PCDHGB1: variants seen among roughly 807,000 people sequenced by gnomAD.
PCDHGB1 encodes the protein protocadherin gamma-B1.
PCDHGB1 carries 34 observed loss-of-function variants against 56.6 expected under a neutral mutation model. That is an observed-to-expected ratio of 0.60 (90% CI 0.46 to 0.80). PCDHGB1 has a LOEUF of 0.80. Ranked by LOEUF, PCDHGB1 falls within the 30% of genes least tolerant of loss-of-function variation. The pLI is 0.00. For synonymous variants in PCDHGB1, 561 were observed against 505.9 expected, an observed-to-expected ratio of 1.11 and a Z score of -1.46; for missense variants, 1,278 against 1,204.6, an observed-to-expected ratio of 1.06 and a Z score of -0.90.
Position 141,431,473 on chromosome 5 carries a change from C to A in PCDHGB1, c.2410-63334C>A, listed in dbSNP as rs750300971. 16 of 1,613,714 alleles carry A rather than the reference C, an allele frequency of 9.9e-6. 1 individual carries two copies. The highest frequency in any genetic ancestry group is 9.3e-5 in the African/African-American group (7 of 74,948). On this transcript the variant is annotated intron_variant, in intron 1 of 3. Transcript: ENST00000523390. This position sits in a 1 kb window ranked among gnomAD's most constrained non-coding sequence, Gnocchi z 4.8. Reference sequence around the variant, plus strand: ...TGATGGTTCTGGATGCGAACGACAACGCACCAGCGTTTGCTCAGCCCGAGT... The same window carrying A: ...TGATGGTTCTGGATGCGAACGACAAAGCACCAGCGTTTGCTCAGCCCGAGT...
At chr5:141,365,192 A>G (rs1163553261) in intron 1 of PCDHGB1, 2 of 1,613,812 alleles carry the variant, frequency 1.2e-6, no homozygotes, top group African/African-American at 2.7e-5. Context: ...AGAAGAAAAA[A>G]TTTCGGAGAC....
At chr5:141,360,052 C>T in intron 1 of PCDHGB1, 1 of 1,436,126 alleles carries the variant, frequency 7.0e-7, no homozygotes, top group Non-Finnish European at 9.2e-7. Context: ...AAAACAAAAG[C>T]AGGAAAAGTG....
chr5:141,412,569 T>C (rs1469611879), intron 1 of PCDHGB1: 3 of 152,228 alleles, frequency 2.0e-5, no homozygotes, highest in Admixed American at 6.5e-5. Flanking sequence ...GTTTATTTAA[T>C]ATAATCTTTG....
rs752837336 is a variant in PCDHGB1 at position 141,371,945 on chromosome 5, G to A, written c.2409+19276G>A. On this transcript the variant is annotated intron_variant, in intron 1 of 3. Transcript: ENST00000523390. ...CGCGGAGCGGGGTGGTGTTCGCGCAGCGAGCCTTCGACCACGAGCAGCTGC... is the reference window on the plus strand; with the variant it reads ...CGCGGAGCGGGGTGGTGTTCGCGCAACGAGCCTTCGACCACGAGCAGCTGC... 6 of 1,613,298 alleles carry A rather than the reference G, an allele frequency of 3.7e-6. No homozygotes were observed. In the Admixed American group the frequency reaches 5.0e-5, roughly 13 times the overall value.
chr5:141,488,292 G>A (rs961688781), intron 1 of PCDHGB1, among the ~76,000 whole-genome samples: 1 of 152,216 alleles, frequency 6.6e-6, no homozygotes, highest in African/African-American at 2.4e-5. Flanking sequence ...AAAACAGTAA[G>A]TGAAATCACT....
rs192424877 is a variant in PCDHGB1, at chr5:141,361,678, T to C, written c.2409+9009T>C. On this transcript the variant is annotated intron_variant, in intron 1 of 3. Coordinates refer to ENST00000523390, the MANE Select transcript of PCDHGB1 (RefSeq NM_018922.3). The stretch of plus-strand genomic sequence containing the variant: ...CGTGAGCGCGCAGAGCGGGGTGGTG[T>C]TCGCGCAGCGCGCCTTCGATCATGA... The C allele has an allele frequency of 2.5e-3, 4,039 of 1,613,592 alleles. 13 individuals carry two copies. The highest frequency in any genetic ancestry group is 3.0e-3 in the Non-Finnish European group (3,545 of 1,179,894).
rs374202401 is a variant in PCDHGB1, at chr5:141,360,323, C to A, written c.2409+7654C>A. 3.1e-6 allele frequency: 5 copies of A among 1,613,798 alleles called. No homozygotes were observed. In the African/African-American group the frequency reaches 6.7e-5, roughly 22 times the overall value. ...GGGCTCAGCGTCCGGGACTTGCCAGCCCGGAAGCTGCGGGTTAGCGCGGAG... is the reference window on the plus strand; with the variant it reads ...GGGCTCAGCGTCCGGGACTTGCCAGACCGGAAGCTGCGGGTTAGCGCGGAG... On this transcript the variant is annotated intron_variant, in intron 1 of 3. Transcript: ENST00000523390.
intron 1 of PCDHGB1, among the ~76,000 whole-genome samples, chr5:141,435,175 C>T (rs1199067294): frequency 6.6e-6 from 1 of 152,030 alleles, no homozygotes; most frequent in East Asian, 1.9e-4. Context: ...TGGCTTTTAA[C>T]TACACTTGAG....
intron 1 of PCDHGB1, among the ~76,000 whole-genome samples, chr5:141,448,430 T>C (rs1468604001): frequency 6.6e-6 from 1 of 152,186 alleles, no homozygotes; most frequent in African/African-American, 2.4e-5. Flanking sequence ...TATGTATATA[T>C]TGAGAAGTCT....
At chr5:141,409,181 C>T (rs1280456560) in intron 1 of PCDHGB1, 2 of 1,613,992 alleles carry the variant, frequency 1.2e-6, no homozygotes, top group Non-Finnish European at 1.7e-6. Flanking sequence ...CGGAGGTGGT[C>T]TCTCTACCCA....
Position 141,489,900 on chromosome 5 carries a change from A to T in PCDHGB1, c.2410-4907A>T. ...TTACTGCTGTGGATGGGGGGACCCC[A>T]GCCCGCTCAGGGACCACCCTTATCT... On this transcript the variant is annotated intron_variant, in intron 1 of 3. Coordinates refer to ENST00000523390, the MANE Select transcript of PCDHGB1 (RefSeq NM_018922.3). This position sits in a 1 kb window ranked among gnomAD's most constrained non-coding sequence, Gnocchi z 4.5. The T allele has an allele frequency of 6.2e-7, 1 of 1,614,254 alleles. No homozygotes were observed. The highest frequency in any genetic ancestry group is 8.5e-7 in the Non-Finnish European group (1 of 1,180,044).
chr5:141,353,397 A>G (rs1759270866), intron 1 of PCDHGB1, among the ~76,000 whole-genome samples: 1 of 152,212 alleles, frequency 6.6e-6, no homozygotes, highest in South Asian at 2.1e-4. Flanking sequence ...TATGTAATTA[A>G]TGTAATCTTC....
Position 141,477,876 on chromosome 5 carries a change from G to A in PCDHGB1, c.2410-16931G>A, listed in dbSNP as rs1412801533. The A allele has an allele frequency of 4.3e-6, 7 of 1,614,144 alleles. No individual in the cohort carries two copies. Among genetic ancestry groups the A allele is most frequent in the Non-Finnish European group, 5.9e-6 (7 of 1,180,030 alleles). ...ATGCTGCCTCGAGGTACCTCAGCTG[G>A]CCACCTAGTGTCACGGGTGGTAGGC... On this transcript the variant is annotated intron_variant, in intron 1 of 3. Coordinates refer to ENST00000523390, the MANE Select transcript of PCDHGB1 (RefSeq NM_018922.3). The surrounding 1 kb of genome is among the most constrained non-coding windows in gnomAD (Gnocchi z 4.9).
At chr5:141,355,491 C>T (rs1195387983) in intron 1 of PCDHGB1, 1 of 1,614,050 alleles carries the variant, frequency 6.2e-7, no homozygotes, top group Non-Finnish European at 8.5e-7. Context: ...AGCTCTGCGA[C>T]AGATCTCCAA....
At chr5:141,452,377 A>G (rs2098740152) in intron 1 of PCDHGB1, among the ~76,000 whole-genome samples, 1 of 152,222 alleles carries the variant, frequency 6.6e-6, no homozygotes, top group African/African-American at 2.4e-5. Flanking sequence ...TTAGTAGGGA[A>G]TAGTATTTAG....
At chr5:141,374,277 G>T in intron 1 of PCDHGB1, 2 of 1,613,958 alleles carry the variant, frequency 1.2e-6, no homozygotes, top group African/African-American at 1.3e-5. Context: ...CACGGAGTCC[G>T]CATCGTCTCC....
chr5:141,363,711 G>A (rs1340350758), intron 1 of PCDHGB1, among the ~76,000 whole-genome samples: 1 of 152,188 alleles, frequency 6.6e-6, no homozygotes, highest in Non-Finnish European at 1.5e-5. Context: ...GGCCTGTTTG[G>A]AAAGGTGCAT....
chr5:141,495,873 C>G (rs2099764359), intron 2 of PCDHGB1, among the ~76,000 whole-genome samples: 1 of 152,146 alleles, frequency 6.6e-6, no homozygotes, highest in Admixed American at 6.6e-5. Flanking sequence ...CTGCTTTCCT[C>G]TCTGTTCTTT....
chr5:141,355,394 G>A (rs1759832826), intron 1 of PCDHGB1: 1 of 1,614,058 alleles, frequency 6.2e-7, no homozygotes, highest in Non-Finnish European at 8.5e-7. Context: ...CGCGGAGTCC[G>A]CATCGTCTCC....
Sources: allele counts gnomAD v4.1 joint callset (sites outside exome capture counted in the v4.1 genomes callset), GRCh38; gene constraint gnomAD v4.1.1; non-coding constraint Gnocchi (gnomAD v3.1); transcripts MANE v1.5; gene names NCBI Gene and HGNC (gene_info 2026-07-23, HGNC 2026-07-21).